CSGALNACT2: variants seen among roughly 807,000 people sequenced by gnomAD.
The protein encoded by CSGALNACT2 is beta 4 GalNAcT-2.
A neutral mutation model predicts 55.3 loss-of-function variants in CSGALNACT2; 35 were observed. The ratio of observed to expected loss-of-function variants is 0.63; its 90% CI spans 0.48 to 0.84. The LOEUF is 0.84. Ranked by LOEUF, CSGALNACT2 falls within the 40% of genes least tolerant of loss-of-function variation. The pLI, the probability that CSGALNACT2 is intolerant of heterozygous loss-of-function variation, is 0.00. For synonymous variants in CSGALNACT2, 196 were observed against 224.9 expected, an observed-to-expected ratio of 0.87 and a Z score of 1.15; for missense variants, 544 against 657.5, an observed-to-expected ratio of 0.83 and a Z score of 1.89.
In CSGALNACT2 at chr10:43,167,092, G is replaced by A. The variant is rs1338011742; in HGVS notation, c.1248G>A (p.Gln416=). ...AGGAAGTGCCACCACCTGTGGAGCA[G>A]CAGCTGGTGAGACTTTCACATTTTC... ...ANQEVPPPVE[Q]QLVHKKDSGF... The change falls in exon 6 of 8, where the codon CAG becomes CAA. Residue 416 remains glutamine (Q), a synonymous_variant. Transcript: ENST00000374466. 27 of 1,599,568 alleles carry A rather than the reference G, an allele frequency of 1.7e-5. No homozygotes were observed. The highest frequency in any genetic ancestry group is 2.3e-5 in the Non-Finnish European group (27 of 1,167,026).
intron 1 of CSGALNACT2, among the ~76,000 whole-genome samples, chr10:43,143,982 C>A (rs1383975823): frequency 3.3e-5 from 5 of 152,190 alleles, no homozygotes; most frequent in Non-Finnish European, 7.4e-5. Context: ...ATGAAACATT[C>A]TGATCTCCTC....
intron 5 of CSGALNACT2, among the ~76,000 whole-genome samples, chr10:43,164,322 A>G (rs978488911): frequency 1.3e-5 from 2 of 152,192 alleles, no homozygotes; most frequent in African/African-American, 4.8e-5. Flanking sequence ...CAAATTGATG[A>G]GGTGGGAGCA....
chr10:43,148,452 T>C (rs944093901), intron 1 of CSGALNACT2, among the ~76,000 whole-genome samples: 4 of 152,230 alleles, frequency 2.6e-5, no homozygotes, highest in Non-Finnish European at 5.9e-5. Flanking sequence ...TTGAAGAGGA[T>C]TGTGTTTAAT....
rs879222495 is a variant in CSGALNACT2, at chr10:43,183,595, G to A, written c.*53G>A. 1.4e-6 allele frequency: 2 copies of A among 1,460,712 alleles called. No homozygotes were observed. Among genetic ancestry groups the A allele is most frequent in the Admixed American group, 1.8e-5 (1 of 57,002 alleles). The allele number at this position is 1,460,712 out of a possible 1,614,324, so 90.5% of individuals were successfully genotyped here. On this transcript the variant is annotated 3_prime_UTR_variant, in exon 8 of 8. Transcript: ENST00000374466. ...ACCACAAAACAGCACTATTTATTTA[G>A]CCTTACTTCTACTTCCAGATGCAGT... is the stretch of plus-strand genomic sequence containing the variant.
chr10:43,163,858 C>G lies in CSGALNACT2; in HGVS notation c.981-8C>G, dbSNP rs992881864. 6.2e-7 allele frequency: 1 copy of G among 1,608,744 alleles called. No homozygotes were observed. Among genetic ancestry groups the G allele is most frequent in the African/African-American group, 1.3e-5 (1 of 74,768 alleles). On this transcript the variant is annotated splice_region_variant and splice_polypyrimidine_tract_variant and intron_variant, in intron 4 of 7. Transcript: ENST00000374466. ...ACTTATCATTTGTTGTGTGTGCTTT[C>G]CTCATAGTGAGTCTAATTTTCACAA...
At chr10:43,156,221 T>C (rs554923467) in intron 2 of CSGALNACT2, among the ~76,000 whole-genome samples, 1 of 152,324 alleles carries the variant, frequency 6.6e-6, no homozygotes, top group South Asian at 2.1e-4. Context: ...AGTAGACTCT[T>C]AGCTATTTTT....
intron 7 of CSGALNACT2, among the ~76,000 whole-genome samples, chr10:43,177,807 T>A (rs1268702561): frequency 2.0e-5 from 3 of 152,264 alleles, no homozygotes; most frequent in African/African-American, 7.2e-5. Context: ...GGTCATATGG[T>A]AATCCTGTGT....
chr10:43,161,373 A>G (rs1487805932), intron 4 of CSGALNACT2, among the ~76,000 whole-genome samples: 3 of 152,240 alleles, frequency 2.0e-5, no homozygotes, highest in Admixed American at 6.5e-5. Flanking sequence ...GTAAACTATT[A>G]GGTTGATTAT....
At chr10:43,172,067 A>T (rs1170269297) in intron 6 of CSGALNACT2, among the ~76,000 whole-genome samples, 1 of 152,234 alleles carries the variant, frequency 6.6e-6, no homozygotes, top group Admixed American at 6.5e-5. Flanking sequence ...GATTCAGGCC[A>T]GTTCTCTGAG....
At chr10:43,158,215 C>T (rs1172536123) in intron 2 of CSGALNACT2, among the ~76,000 whole-genome samples, 1 of 151,474 alleles carries the variant, frequency 6.6e-6, no homozygotes, top group Non-Finnish European at 1.5e-5. Context: ...TCACATAGCA[C>T]TATATTGTTA....
At chr10:43,148,450 G>T (rs569665277) in intron 1 of CSGALNACT2, among the ~76,000 whole-genome samples, 31 of 152,170 alleles carry the variant, frequency 2.0e-4, no homozygotes, top group Non-Finnish European at 3.5e-4. Flanking sequence ...TCTTGAAGAG[G>T]ATTGTGTTTA....
At chr10:43,167,173 A>G (rs1354136617) in intron 6 of CSGALNACT2, 75 bp downstream of exon 6, 2 of 942,420 alleles carry the variant, frequency 2.1e-6, no homozygotes, top group Admixed American at 4.5e-5. Flanking sequence ...AGTAGAAAAC[A>G]AAGTTTCAAT....
chr10:43,143,370 C>T (rs1368955093), intron 1 of CSGALNACT2, among the ~76,000 whole-genome samples: 2 of 152,156 alleles, frequency 1.3e-5, no homozygotes, highest in Non-Finnish European at 2.9e-5. Context: ...CACTGATAAA[C>T]ATCCTATGTA....
chr10:43,158,914 A>G lies in CSGALNACT2; in HGVS notation c.861A>G (p.Gln287=), dbSNP rs572137967. Residue 287 remains glutamine (Q), a synonymous_variant, in exon 3 of 8, where the codon CAA becomes CAG. Transcript: ENST00000374466. ...CTGAAAGAACTGAAGCATTTGTACA[A>G]TTTATGCAGAACTTCAGGTAACTGT... is the stretch of plus-strand genomic sequence containing the variant. The part of the protein sequence containing the change: ...PLAERTEAFV[Q]FMQNFRDVCI... 35 of 1,603,650 alleles carry G rather than the reference A, an allele frequency of 2.2e-5. No individual in the cohort carries two copies. Among genetic ancestry groups the G allele is most frequent in the Non-Finnish European group, 2.2e-5 (26 of 1,171,088 alleles).
intron 6 of CSGALNACT2, among the ~76,000 whole-genome samples, chr10:43,168,895 G>A (rs761229415): frequency 1.3e-5 from 2 of 152,242 alleles, no homozygotes; most frequent in Non-Finnish European, 2.9e-5. Context: ...TAAGACGATA[G>A]CAGTTAGCGT....
intron 1 of CSGALNACT2, among the ~76,000 whole-genome samples, chr10:43,142,208 A>G (rs192578498): frequency 6.7e-6 from 1 of 148,912 alleles, no homozygotes; most frequent in Non-Finnish European, 1.5e-5. Context: ...TTATTTGTTT[A>G]TTTATTTATT....
intron 1 of CSGALNACT2, among the ~76,000 whole-genome samples, chr10:43,152,210 A>G (rs1308556949): frequency 1.3e-5 from 2 of 152,224 alleles, no homozygotes; most frequent in Admixed American, 1.3e-4. Flanking sequence ...GCTGTGAATG[A>G]ACCGTATTCA....
intron 5 of CSGALNACT2, among the ~76,000 whole-genome samples, chr10:43,165,918 G>A (rs974917508): frequency 1.3e-5 from 2 of 152,100 alleles, no homozygotes; most frequent in African/African-American, 2.4e-5. Context: ...GGAGACGGAG[G>A]TTGCAATGAG....
chr10:43,165,199 TGGGCGACA>T, intron 5 of CSGALNACT2, among the ~76,000 whole-genome samples: 1 of 152,060 alleles, frequency 6.6e-6, no homozygotes, highest in Admixed American at 6.5e-5. Flanking sequence ...CACTGCAGCC[TGGGCGACA>T]GGGCGACATT....
Sources: allele counts gnomAD v4.1 joint callset (sites outside exome capture counted in the v4.1 genomes callset), GRCh38; gene constraint gnomAD v4.1.1; transcripts MANE v1.5; gene names NCBI Gene and HGNC (gene_info 2026-07-23, HGNC 2026-07-21).